The following INPP4B variants were observed in gnomAD, a reference collection of about 807,000 sequenced individuals.
INPP4B encodes the protein inositol polyphosphate 4-phosphatase type II.
In INPP4B, 55 loss-of-function variants were observed where a neutral mutation model predicts 122.5. That is an observed-to-expected ratio of 0.45 (90% confidence interval 0.36 to 0.56). The LOEUF (loss-of-function observed/expected upper bound fraction) is 0.56. Ranked by LOEUF, INPP4B falls within the 20% of genes least tolerant of loss-of-function variation. The pLI is 0.00. For synonymous variants in INPP4B, 403 were observed against 388.7 expected (o/e 1.04, Z -0.43); for missense variants, 1,000 against 1,097.7 (o/e 0.91, Z 1.26).
At chr4:142,182,739 T>C (rs1277362383) in intron 15 of INPP4B, among the ~76,000 whole-genome samples, 4 of 152,062 alleles carry the variant, frequency 2.6e-5, no homozygotes, top group East Asian at 1.9e-4. Flanking sequence ...TACCCGGTTA[T>C]AGAAACCAGA....
At chr4:142,072,540 C>CTT (rs768906284) in intron 25 of INPP4B, among the ~76,000 whole-genome samples, 4,757 of 134,480 alleles carry the variant, frequency 0.035, 275 homozygotes, top group African/African-American at 0.12. Flanking sequence ...GTGGAAATGA[C>CTT]TTTTTTTTTT....
intron 2 of INPP4B, among the ~76,000 whole-genome samples, chr4:142,464,937 G>T (rs1038755391): frequency 2.6e-5 from 4 of 152,130 alleles, no homozygotes; most frequent in Non-Finnish European, 5.9e-5. Flanking sequence ...CTTATTAACA[G>T]AACAGACTGC....
rs116270136 is a variant in INPP4B at position 142,464,457 on chromosome 4, G to A, written c.-190-1731C>T. On this transcript the variant is annotated intron_variant, in intron 2 of 25. Coordinates refer to ENST00000262992, the MANE Select transcript of INPP4B (RefSeq NM_001101669.3). ...ATTATCATATGTCTCTCATCATTCT[G>A]TATTGTTTACAATATAAGCAGGTGA... Among the ~76,000 whole-genome samples the A allele has an allele frequency of 2.4e-3, 366 of 152,016 alleles. 1 individual carries two copies. The highest frequency in any genetic ancestry group is 8.4e-3 in the African/African-American group (350 of 41,502).
chr4:142,254,264 C>T (rs190660315), intron 11 of INPP4B, among the ~76,000 whole-genome samples: 1,842 of 151,222 alleles, frequency 0.012, 16 homozygotes, highest in Admixed American at 0.018. Flanking sequence ...AAAAGCAGAG[C>T]AGAAAAACTG....
At chr4:142,239,565 A>G (rs1293450507) in intron 11 of INPP4B, among the ~76,000 whole-genome samples, 3 of 152,200 alleles carry the variant, frequency 2.0e-5, no homozygotes, top group African/African-American at 7.2e-5. Context: ...AATAAAAGAA[A>G]ATAAAAAGTT....
At chr4:142,132,285 A>C (rs1801702277) in intron 18 of INPP4B, among the ~76,000 whole-genome samples, 1 of 151,430 alleles carries the variant, frequency 6.6e-6, no homozygotes, top group African/African-American at 2.4e-5. Context: ...TTTTTCTTGG[A>C]GAGAGCAGAG....
intron 12 of INPP4B, among the ~76,000 whole-genome samples, chr4:142,211,100 C>G (rs562337739): frequency 1.3e-5 from 2 of 152,190 alleles, no homozygotes; most frequent in African/African-American, 2.4e-5. Context: ...CTGAAAAGGA[C>G]AAACAACTAT....
intron 2 of INPP4B, among the ~76,000 whole-genome samples, chr4:142,585,015 T>C (rs2150219103): frequency 1.3e-5 from 2 of 152,272 alleles, no homozygotes; most frequent in Middle Eastern, 3.4e-3. Context: ...GAAAATTCTT[T>C]CAGTTGGCTC....
intron 5 of INPP4B, among the ~76,000 whole-genome samples, chr4:142,415,047 A>G (rs1362624358): frequency 6.6e-6 from 1 of 152,222 alleles, no homozygotes; most frequent in African/African-American, 2.4e-5. Context: ...AAGAAATGCA[A>G]GGAACCACCT....
At position 142,323,507 on chromosome 4, in the gene INPP4B, A is replaced by G. The variant is rs141180138; in HGVS notation, c.373-8745T>C. 4.1e-3 allele frequency among the ~76,000 whole-genome samples: 580 copies of G among 141,078 alleles called. 5 individuals carry two copies. The highest frequency in any genetic ancestry group is 0.014 in the African/African-American group (534 of 37,612). 92.6% of individuals were successfully genotyped at this position (141,078 alleles called of 152,430 possible). ...GTCGCCCAGGCTGGAGTGCAGTGGC[A>G]CGATCTTGGCTCACTGCAAGCTCTG... On this transcript the variant is annotated intron_variant, in intron 7 of 25. Coordinates refer to ENST00000262992, the MANE Select transcript of INPP4B (RefSeq NM_001101669.3).
intron 1 of INPP4B, among the ~76,000 whole-genome samples, chr4:142,727,141 C>A (rs1376382418): frequency 2.0e-5 from 3 of 152,106 alleles, no homozygotes; most frequent in Admixed American, 6.5e-5. Flanking sequence ...AGAAAGAGTC[C>A]TTCTGGGTCT....
Position 142,694,796 on chromosome 4 carries a change from C to T in INPP4B, c.-191+31043G>A, listed in dbSNP as rs796770580. On this transcript the variant is annotated intron_variant, in intron 2 of 25. Transcript: ENST00000262992. ...GGTTCACGCTGAGAAGAGCCTACAGCCCCTACACTTTCCCTTAACATTTTT... is the reference window on the plus strand; with the variant it reads ...GGTTCACGCTGAGAAGAGCCTACAGTCCCTACACTTTCCCTTAACATTTTT... Among the ~76,000 whole-genome samples the T allele has an allele frequency of 3.3e-5, 5 of 152,152 alleles. No individual in the cohort carries two copies. In the South Asian group the frequency reaches 1.0e-3, roughly 32 times the overall value.
chr4:142,268,358 T>C (rs1437796756), intron 10 of INPP4B, among the ~76,000 whole-genome samples: 2 of 43,178 alleles, frequency 4.6e-5, no homozygotes, highest in Admixed American at 3.0e-4. Context: ...GAGGGGTAAG[T>C]ACTGGTGAGG....
In INPP4B at chr4:142,473,597, C is replaced by T. The variant is rs1484195706; in HGVS notation, c.-190-10871G>A. On this transcript the variant is annotated intron_variant, in intron 2 of 25. Transcript: ENST00000262992. ...AGCAGACCATCACCAGCACAATAGC[C>T]CCAACAGAGGTCGCAGTTTGGTGCC... is the stretch of plus-strand genomic sequence containing the variant. 2.6e-5 allele frequency among the ~76,000 whole-genome samples: 4 copies of T among 152,080 alleles called. No individual in the cohort carries two copies. In the East Asian group the frequency reaches 7.7e-4, roughly 29 times the overall value.
intron 18 of INPP4B, among the ~76,000 whole-genome samples, chr4:142,130,051 C>T (rs1800541380): frequency 6.6e-6 from 1 of 152,116 alleles, no homozygotes; most frequent in South Asian, 2.1e-4. Context: ...GGACAGTGAC[C>T]AAACGAGTTT....
At chr4:142,236,742 T>C (rs1856845805) in intron 12 of INPP4B, among the ~76,000 whole-genome samples, 1 of 152,180 alleles carries the variant, frequency 6.6e-6, no homozygotes, top group Admixed American at 6.5e-5. Flanking sequence ...TTACCTGCCC[T>C]GTCTATGGTG....
At chr4:142,537,126 T>G (rs1009886155) in intron 2 of INPP4B, among the ~76,000 whole-genome samples, 2 of 151,736 alleles carry the variant, frequency 1.3e-5, no homozygotes, top group Non-Finnish European at 2.9e-5. Context: ...ACAGCAAGTG[T>G]GATTCATAGG....
At chr4:142,340,084 G>A (rs190054658) in intron 7 of INPP4B, among the ~76,000 whole-genome samples, 1 of 152,214 alleles carries the variant, frequency 6.6e-6, no homozygotes, top group African/African-American at 2.4e-5. Flanking sequence ...CCAAACTGGG[G>A]TATATTTAAT....
At chr4:142,537,483 CATACAT>C (rs59773530) in intron 2 of INPP4B, among the ~76,000 whole-genome samples, 29,357 of 134,412 alleles carry the variant, frequency 0.22, 4,584 homozygotes, top group East Asian at 0.78. Context: ...TACACATACA[CATACAT>C]ACACAAACAC....
Sources: allele counts gnomAD v4.1 joint callset (sites outside exome capture counted in the v4.1 genomes callset), GRCh38; gene constraint gnomAD v4.1.1; transcripts MANE v1.5; gene names NCBI Gene and HGNC (gene_info 2026-07-23, HGNC 2026-07-21).